MEGF6: variants seen among roughly 807,000 people sequenced by gnomAD.
MEGF6 encodes the protein multiple epidermal growth factor-like domains protein 6.
MEGF6 carries 184 observed loss-of-function variants against 207.1 expected under a neutral mutation model. That is an observed-to-expected ratio of 0.89 (90% CI 0.79 to 1.00). The LOEUF (loss-of-function observed/expected upper bound fraction) is 1.00, where lower values mean the gene tolerates loss of function less well. Ranked by LOEUF, MEGF6 falls within the 50% of genes least tolerant of loss-of-function variation. MEGF6 has a pLI of 0.00. For missense variants in MEGF6, 2,282 were observed against 2,202.9 expected, an observed-to-expected ratio of 1.04 and a Z score of -0.72; for synonymous variants, 1,038 against 910.0, an observed-to-expected ratio of 1.14 and a Z score of -2.53.
At chr1:3,590,934 A>G (rs1643966670) in intron 3 of MEGF6, among the ~76,000 whole-genome samples, 1 of 147,314 alleles carries the variant, frequency 6.8e-6, no homozygotes, top group Non-Finnish European at 1.5e-5. Context: ...GCTCACAGGG[A>G]CAGCGGTGCC....
chr1:3,497,636 CAGAT>C (rs768140845), intron 26 of MEGF6: 2 of 632,928 alleles, frequency 3.2e-6, no homozygotes. Flanking sequence ...AGGGACGAGA[CAGAT>C]AGGGCTGAGA....
chr1:3,500,527 C>T (rs532432291), intron 21 of MEGF6, 106 bp downstream of exon 21: 18 of 1,416,174 alleles, frequency 1.3e-5, no homozygotes, highest in African/African-American at 2.9e-5. Context: ...CGTGTGTGTG[C>T]GTGCAGGAGG....
upstream of MEGF6, among the ~76,000 whole-genome samples, chr1:3,612,462 T>G (rs566998789): frequency 6.6e-6 from 1 of 152,354 alleles, no homozygotes; most frequent in South Asian, 2.1e-4. Context: ...GGGATGGAGA[T>G]GGAGTCTCTG....
At chr1:3,617,857 C>T in the MEGF6 span, among the ~76,000 whole-genome samples, 1 of 152,156 alleles carries the variant, frequency 6.6e-6, no homozygotes, top group African/African-American at 2.4e-5. Context: ...CCAAGGGGAA[C>T]CGGGGGTTGC....
At chr1:3,617,760 G>A in the MEGF6 span, among the ~76,000 whole-genome samples, 2 of 152,256 alleles carry the variant, frequency 1.3e-5, no homozygotes, top group African/African-American at 4.8e-5. Context: ...CCTCGGACAG[G>A]CGTCCTTGTA....
chr1:3,586,748 C>G (rs1490710044), intron 3 of MEGF6, among the ~76,000 whole-genome samples: 1 of 152,180 alleles, frequency 6.6e-6, no homozygotes, highest in African/African-American at 2.4e-5. Flanking sequence ...GGCCCTGCAG[C>G]CCCTTCCCAG....
chr1:3,598,116 G>T (rs916263445), intron 2 of MEGF6, among the ~76,000 whole-genome samples: 1 of 152,186 alleles, frequency 6.6e-6, no homozygotes, highest in African/African-American at 2.4e-5. Context: ...CATCTCTGCC[G>T]CTGTCTGCAG....
At chr1:3,526,688 C>T (rs1289365346) in intron 4 of MEGF6, among the ~76,000 whole-genome samples, 4 of 152,118 alleles carry the variant, frequency 2.6e-5, no homozygotes, top group Non-Finnish European at 4.4e-5. Flanking sequence ...CCTGAGCCAC[C>T]GTGCCCAGCC....
chr1:3,554,106 C>T lies in MEGF6; in HGVS notation c.481+25719G>A, dbSNP rs548575012. 2.1e-3 allele frequency among the ~76,000 whole-genome samples: 320 copies of T among 152,282 alleles called. 2 individuals are homozygous for T. The highest frequency in any genetic ancestry group is 4.4e-3 in the Admixed American group (68 of 15,306). On this transcript the variant is annotated intron_variant, in intron 4 of 36. Coordinates refer to ENST00000356575, the MANE Select transcript of MEGF6 (RefSeq NM_001409.4). ...ACAAGCTTGGCGCCTGCTTCCAGAA[C>T]GCCTGCTTGGGGTGGGGAAGAGCAC...
At chr1:3,605,011 C>A (rs1374461690) in intron 1 of MEGF6, among the ~76,000 whole-genome samples, 1 of 152,042 alleles carries the variant, frequency 6.6e-6, no homozygotes, top group African/African-American at 2.4e-5. Flanking sequence ...CCAAGGCTGA[C>A]CTCTGTGGAT....
intron 4 of MEGF6, among the ~76,000 whole-genome samples, chr1:3,566,576 C>T (rs941896013): frequency 6.6e-6 from 1 of 152,184 alleles, no homozygotes; most frequent in Non-Finnish European, 1.5e-5. Context: ...CTCTGGGCAG[C>T]GTCACAGGCA....
the MEGF6 span, chr1:3,624,307 C>T: frequency 6.6e-6 from 1 of 152,336 alleles, no homozygotes; most frequent in South Asian, 2.1e-4. Flanking sequence ...AGGGCACACA[C>T]ATGTTCCACC....
chr1:3,591,983 G>A (rs953193168), intron 3 of MEGF6, among the ~76,000 whole-genome samples: 9 of 152,178 alleles, frequency 5.9e-5, no homozygotes, highest in African/African-American at 1.2e-4. Context: ...CTGCTTGGAC[G>A]GGCATCGGCA....
chr1:3,596,469 C>T (rs1425829217), intron 2 of MEGF6, among the ~76,000 whole-genome samples: 11 of 150,016 alleles, frequency 7.3e-5, no homozygotes, highest in Non-Finnish European at 1.6e-4. Context: ...CCCCCATCTC[C>T]ACCCCAGGGC....
rs10909955 is a variant in MEGF6, at chr1:3,507,174, G to A, written c.1789+621C>T. On this transcript the variant is annotated intron_variant, in intron 14 of 36. Coordinates refer to ENST00000356575, the MANE Select transcript of MEGF6 (RefSeq NM_001409.4). ...AGCACATACGGCCAGGAAAGCTCAC[G>A]GGGCCACCTGGGGGACAGGTTCTAG... Among the ~76,000 whole-genome samples the A allele has an allele frequency of 7.6e-3, 1,164 of 152,318 alleles. 10 individuals are homozygous for A. Among genetic ancestry groups the A allele is most frequent in the African/African-American group, 0.026 (1,079 of 41,570 alleles).
chr1:3,614,942 G>A (rs543289471), upstream of MEGF6, among the ~76,000 whole-genome samples: 13 of 152,272 alleles, frequency 8.5e-5, no homozygotes, highest in South Asian at 1.2e-3. Context: ...GCCCCAGACC[G>A]TTTAACCTCC....
At chr1:3,583,220 C>T (rs1350284114) in intron 3 of MEGF6, among the ~76,000 whole-genome samples, 1 of 152,170 alleles carries the variant, frequency 6.6e-6, no homozygotes, top group Non-Finnish European at 1.5e-5. Flanking sequence ...CTGGTAGACA[C>T]CCCCATGCCG....
chr1:3,549,577 T>G (rs1374972030), intron 4 of MEGF6, among the ~76,000 whole-genome samples: 3 of 152,168 alleles, frequency 2.0e-5, no homozygotes, highest in African/African-American at 7.2e-5. Flanking sequence ...ACCCCGTTGG[T>G]TGACTGCATG....
chr1:3,552,438 C>T (rs879683028), intron 4 of MEGF6, among the ~76,000 whole-genome samples: 59 of 152,334 alleles, frequency 3.9e-4, no homozygotes, highest in African/African-American at 1.1e-3. Flanking sequence ...GGCTCACGCC[C>T]GTAATCCCAG....
Sources: gnomAD v4.1 joint callset for allele counts (sites outside exome capture counted in the v4.1 genomes callset) on GRCh38, gnomAD v4.1.1 for gene constraint, MANE v1.5 for transcripts, NCBI Gene and HGNC (gene_info 2026-07-23, HGNC 2026-07-21) for gene names.